The following PHF14 variants were observed in gnomAD, a reference collection of about 807,000 sequenced individuals.
PHF14 encodes the protein PHD finger protein 14.
Under a neutral mutation model 117.9 loss-of-function variants are expected in PHF14, and 55 were observed. The ratio of observed to expected loss-of-function variants is 0.47; its 90% CI spans 0.38 to 0.58. The LOEUF (loss-of-function observed/expected upper bound fraction) is 0.58, where lower values mean the gene tolerates loss of function less well. Among genes scored for constraint, PHF14 ranks in the 20% least tolerant of loss-of-function variants. PHF14 has a pLI of 0.00. For synonymous variants in PHF14, 409 were observed against 368.6 expected (o/e 1.11, Z -1.26); for missense variants, 978 against 1,122.2 (o/e 0.87, Z 1.84).
chr7:11,098,130 C>T (rs1786945601), intron 16 of PHF14, among the ~76,000 whole-genome samples: 1 of 151,904 alleles, frequency 6.6e-6, no homozygotes, highest in African/African-American at 2.4e-5. Context: ...AATTTTAAAT[C>T]ACCTATAATC....
intron 14 of PHF14, among the ~76,000 whole-genome samples, chr7:11,054,331 T>C (rs1257271794): frequency 6.6e-6 from 1 of 152,174 alleles, no homozygotes; most frequent in East Asian, 1.9e-4. Flanking sequence ...GCTACGCTTA[T>C]ACTAAATAAA....
chr7:11,043,087 A>G lies in PHF14; in HGVS notation c.2312+273A>G, dbSNP rs78833426. Among the ~76,000 whole-genome samples, 1,434 of 152,106 alleles carry G rather than the reference A, an allele frequency of 9.4e-3. 13 individuals are homozygous for G. Among genetic ancestry groups the G allele is most frequent in the Admixed American group, 0.014 (211 of 15,252 alleles). ...TTATAATTCTCTTGTTTTATTGTTC[A>G]GAATTTCTCAAATGCTTTATTGTTA... On this transcript the variant is annotated intron_variant, in intron 13 of 17. Transcript: ENST00000634607.
intron 4 of PHF14, among the ~76,000 whole-genome samples, chr7:11,011,776 GATA>G (rs1783366455): frequency 6.6e-6 from 1 of 152,122 alleles, no homozygotes; most frequent in Non-Finnish European, 1.5e-5. Flanking sequence ...AGGGAAATTT[GATA>G]ATAAGTTAGT....
chr7:11,097,925 G>T (rs559696200), intron 16 of PHF14, among the ~76,000 whole-genome samples: 3 of 152,278 alleles, frequency 2.0e-5, no homozygotes, highest in South Asian at 4.1e-4. Context: ...AAAGGAAGGG[G>T]TGTGTGTATG....
intron 14 of PHF14, among the ~76,000 whole-genome samples, chr7:11,054,811 G>A (rs1784961566): frequency 1.3e-5 from 2 of 151,874 alleles, no homozygotes; most frequent in Admixed American, 6.6e-5. Flanking sequence ...ATTACAATTG[G>A]GAACATTCTG....
At position 10,982,616 on chromosome 7, in the gene PHF14, GGAAAAA is replaced by G. The variant is rs1429055965; in HGVS notation, c.363_368del (p.Lys129_Glu130del). The G allele has an allele frequency of 2.0e-5, 31 of 1,523,514 alleles. No individual in the cohort carries two copies. The highest frequency in any genetic ancestry group is 2.8e-5 in the African/African-American group (2 of 71,608). The allele number at this position is 1,523,514 out of a possible 1,614,324, so 94.4% of individuals were successfully genotyped here. A position where few individuals can be genotyped will look rare whatever the true frequency, so the allele number is the denominator to read the frequency against. ...CTAGAAAGAAAAAGGAGAAAGAGAA[GGAAAAA>G]GAAAAGGAAAAGGAGAAAGAGAAGG... On this transcript the variant is annotated inframe_deletion, in exon 3 of 18. Transcript: ENST00000634607.
intron 16 of PHF14, among the ~76,000 whole-genome samples, chr7:11,102,286 A>G (rs990592240): frequency 2.5e-4 from 38 of 151,842 alleles, no homozygotes; most frequent in African/African-American, 9.2e-4. Flanking sequence ...TCAATGTTTC[A>G]AATGATAAAA....
intron 17 of PHF14, among the ~76,000 whole-genome samples, chr7:11,143,409 C>G (rs905973934): frequency 6.6e-6 from 1 of 152,024 alleles, no homozygotes; most frequent in Non-Finnish European, 1.5e-5. Context: ...GCATGAGCCA[C>G]CATGCCCAGC....
intron 4 of PHF14, among the ~76,000 whole-genome samples, chr7:11,009,093 ATATAT>A (rs1212437590): frequency 6.6e-6 from 1 of 152,010 alleles, no homozygotes; most frequent in Non-Finnish European, 1.5e-5. Context: ...AAGTCTAATG[ATATAT>A]TAAGTACAGA....
intron 13 of PHF14, among the ~76,000 whole-genome samples, chr7:11,046,211 A>C (rs1324225116): frequency 6.6e-6 from 1 of 152,150 alleles, no homozygotes; most frequent in South Asian, 2.1e-4. Flanking sequence ...CAATCTCCAC[A>C]CTGCCTTAAA....
At chr7:11,028,572 A>G (rs564391993) in intron 6 of PHF14, 109 bp from the exon 7 acceptor site, 3 of 989,472 alleles carry the variant, frequency 3.0e-6, no homozygotes, top group Admixed American at 4.7e-5. Context: ...TAATTGGTTC[A>G]TTATTTGTAT....
At chr7:10,994,913 C>A (rs556065055) in intron 4 of PHF14, among the ~76,000 whole-genome samples, 5 of 152,294 alleles carry the variant, frequency 3.3e-5, no homozygotes, top group South Asian at 4.1e-4. Context: ...GGGACCCGAG[C>A]GGGTTGCCAT....
chr7:11,131,062 C>T (rs887765823), intron 17 of PHF14, among the ~76,000 whole-genome samples: 25 of 151,638 alleles, frequency 1.6e-4, no homozygotes, highest in African/African-American at 4.1e-4. Context: ...AGAGAGAGTA[C>T]GTGTAAAATT....
chr7:11,078,322 C>G (rs747500143), intron 16 of PHF14, among the ~76,000 whole-genome samples: 1 of 152,072 alleles, frequency 6.6e-6, no homozygotes, highest in Non-Finnish European at 1.5e-5. Context: ...TAGTGAATAA[C>G]AGAATATGAA....
chr7:11,129,548 CTTTTTTTT>C (rs71023891), intron 17 of PHF14, among the ~76,000 whole-genome samples: 1 of 133,460 alleles, frequency 7.5e-6, no homozygotes, highest in Admixed American at 7.3e-5. Context: ...GTGTATGTTT[CTTTTTTTT>C]TTTTTTTTTG....
chr7:10,987,357 G>T (rs1446981915), intron 3 of PHF14, among the ~76,000 whole-genome samples: 1 of 151,966 alleles, frequency 6.6e-6, no homozygotes, highest in East Asian at 1.9e-4. Flanking sequence ...GAATTTCCTT[G>T]TATTAAACAC....
At chr7:11,004,950 G>T (rs891274038) in intron 4 of PHF14, among the ~76,000 whole-genome samples, 1 of 151,966 alleles carries the variant, frequency 6.6e-6, no homozygotes, top group African/African-American at 2.4e-5. Context: ...CTGGGAGGCG[G>T]AGGTTACAGT....
intron 17 of PHF14, among the ~76,000 whole-genome samples, chr7:11,112,511 C>T (rs1787480084): frequency 6.6e-6 from 1 of 152,048 alleles, no homozygotes; most frequent in African/African-American, 2.4e-5. Flanking sequence ...GTGGCTCACA[C>T]CTGTAATCCC....
At chr7:11,036,843 A>G in intron 9 of PHF14, 142 bp from the exon 10 acceptor site, 3 of 938,254 alleles carry the variant, frequency 3.2e-6, no homozygotes, top group Non-Finnish European at 4.8e-6. Context: ...TTTTTACAAA[A>G]TGCTAGGTTC....
Sources: allele counts gnomAD v4.1 joint callset (sites outside exome capture counted in the v4.1 genomes callset), GRCh38; gene constraint gnomAD v4.1.1; transcripts MANE v1.5; gene names NCBI Gene and HGNC (gene_info 2026-07-23, HGNC 2026-07-21).